Variants in HEATR5B observed in about 807,000 individuals in gnomAD.
HEATR5B encodes HEAT repeat containing 5B.
In HEATR5B, 156 loss-of-function variants were observed where a neutral mutation model predicts 224.1. The observed-to-expected ratio is 0.70, with a 90% CI of 0.61 to 0.80. HEATR5B has a LOEUF of 0.80. Among genes scored for constraint, HEATR5B ranks in the 30% least tolerant of loss-of-function variants. HEATR5B has a pLI of 0.00. For synonymous variants in HEATR5B, 1,027 were observed against 893.0 expected (o/e 1.15, Z -2.68); for missense variants, 2,323 against 2,535.5 (o/e 0.92, Z 1.80).
In HEATR5B at chr2:37,000,730, C is replaced by A; in HGVS notation, c.5401G>T (p.Val1801Phe). The A allele has an allele frequency of 3.1e-6, 5 of 1,614,086 alleles. No individual in the cohort carries two copies. The highest frequency in any genetic ancestry group is 4.2e-6 in the Non-Finnish European group (5 of 1,179,968). The change falls in exon 33 of 36, where the codon GTT becomes TTT. Residue 1801 changes from valine (V) to phenylalanine (F), a missense_variant. Physicochemically the swap from Val to Phe is conservative, Grantham distance 50. Coordinates refer to ENST00000233099, the MANE Select transcript of HEATR5B (RefSeq NM_019024.3). Reference sequence around the variant, plus strand: ...AGAGCTGCACTGACTGGTGGAGGAACCTGATTATCTGCAGACTTTATTGCT... The same window carrying A: ...AGAGCTGCACTGACTGGTGGAGGAAACTGATTATCTGCAGACTTTATTGCT... ...DTAIKSADNQ[V>F]PPPVSAALQG...
At chr2:37,067,483 T>C (rs1457917071) in intron 8 of HEATR5B, among the ~76,000 whole-genome samples, 1 of 152,162 alleles carries the variant, frequency 6.6e-6, no homozygotes, top group Non-Finnish European at 1.5e-5. Flanking sequence ...AAAACTAGTT[T>C]ACTGGCTGGG....
In HEATR5B at chr2:37,015,842, C is replaced by A. The variant is rs1299529098; in HGVS notation, c.4105-1822G>T. The stretch of plus-strand genomic sequence containing the variant: ...TTACATAACCCTAGGAATTCCCACA[C>A]AAAGGTGATAACTAAAGTATTGTTA... On this transcript the variant is annotated intron_variant, in intron 26 of 35. Transcript: ENST00000233099. Among the ~76,000 whole-genome samples the A allele has an allele frequency of 5.3e-5, 8 of 152,056 alleles. No homozygotes were observed. In the East Asian group the frequency reaches 1.5e-3, roughly 29 times the overall value.
rs1238133380 is a variant in HEATR5B at position 37,028,825 on chromosome 2, G to A, written c.3457C>T (p.Leu1153Phe). The change falls in exon 23 of 36, where the codon CTT (leucine) becomes TTT (phenylalanine). Residue 1153 changes from leucine (L) to phenylalanine (F), a missense_variant. By Grantham distance (22) the Leu-to-Phe change is conservative (BLOSUM62 0). Around this residue, in one of 12 missense-constraint regions of HEATR5B, gnomAD observed 339 missense variants for 378.4 expected, o/e 0.90. Coordinates refer to ENST00000233099, the MANE Select transcript of HEATR5B (RefSeq NM_019024.3). Reference protein sequence around the residue: ...NITETGLEGLLFGMLDRETDR... With the variant: ...NITETGLEGLFFGMLDRETDR... ...GTCTCCCGGTCTAGCATTCCAAAAAGAAGTCCCTCAAGACCAGTTTCTGTT... is the reference window on the plus strand; with the variant it reads ...GTCTCCCGGTCTAGCATTCCAAAAAAAAGTCCCTCAAGACCAGTTTCTGTT... The A allele has an allele frequency of 1.2e-6, 2 of 1,614,082 alleles. No individual in the cohort carries two copies. The highest frequency in any genetic ancestry group is 1.7e-6 in the Non-Finnish European group (2 of 1,179,974).
chr2:37,003,186 T>C (rs1667199057), intron 31 of HEATR5B, among the ~76,000 whole-genome samples: 1 of 149,074 alleles, frequency 6.7e-6, no homozygotes, highest in South Asian at 2.1e-4. Flanking sequence ...TCCTGGGAGT[T>C]TGAGGCTGCA....
rs116404525 is a variant in HEATR5B at position 37,023,214 on chromosome 2, G to C, written c.3854-2378C>G. Among the ~76,000 whole-genome samples the C allele has an allele frequency of 6.9e-3, 1,044 of 152,204 alleles. 11 individuals carry two copies. The highest frequency in any genetic ancestry group is 0.024 in the African/African-American group (1,003 of 41,544). ...AAATTAATAGAGATTAAATACTAAAGATCAGTGAACTGAAAAGACTTAGCA... is the reference window on the plus strand; with the variant it reads ...AAATTAATAGAGATTAAATACTAAACATCAGTGAACTGAAAAGACTTAGCA... On this transcript the variant is annotated intron_variant, in intron 24 of 35. Transcript: ENST00000233099.
intron 34 of HEATR5B, among the ~76,000 whole-genome samples, 173 bp from the exon 35 acceptor site, chr2:36,989,032 C>A (rs751234684): frequency 6.6e-5 from 10 of 152,154 alleles, no homozygotes; most frequent in Non-Finnish European, 1.2e-4. Context: ...AAAAATTAGT[C>A]AAAAATGTTC....
intron 17 of HEATR5B, among the ~76,000 whole-genome samples, chr2:37,050,632 G>A (rs1290597696): frequency 6.6e-6 from 1 of 152,202 alleles, no homozygotes; most frequent in African/African-American, 2.4e-5. Context: ...TATTTGGAAA[G>A]AGGATATTTG....
Position 37,058,970 on chromosome 2 carries a change from C to G in HEATR5B, c.1867G>C (p.Ala623Pro), listed in dbSNP as rs1246086964. ...GALCAMRSFV[A>P]HCPELLTEDV... is the part of the protein sequence containing the mutation. ...TCAGTTAGTAGCTCAGGACAATGTGCAACGAAGCTCCTCATGGCTAGATAA... is the reference window on the plus strand; with the variant it reads ...TCAGTTAGTAGCTCAGGACAATGTGGAACGAAGCTCCTCATGGCTAGATAA... Residue 623 changes from alanine to proline, a missense_variant, in exon 13 of 36, where the codon GCA becomes CCA. Ala to Pro is a conservative substitution (Grantham distance 27). Transcript: ENST00000233099. The G allele has an allele frequency of 1.9e-6, 3 of 1,607,358 alleles. No individual in the cohort carries two copies. The highest frequency in any genetic ancestry group is 1.3e-5 in the African/African-American group (1 of 74,778).
rs565404794 is a variant in HEATR5B at position 37,077,853 on chromosome 2, T to C, written c.339-834A>G. On this transcript the variant is annotated intron_variant, in intron 3 of 35. Coordinates refer to ENST00000233099, the MANE Select transcript of HEATR5B (RefSeq NM_019024.3). ...CAGTGTCTACCTCTTAATTTACAAA[T>C]AATACTATACTATTAGTAAACCTGT... is the stretch of plus-strand genomic sequence containing the variant. Among the ~76,000 whole-genome samples, 12 of 152,322 alleles carry C rather than the reference T, an allele frequency of 7.9e-5. 1 individual carries two copies. The South Asian group carries it at 1.9e-3, about 24-fold the overall frequency.
At chr2:37,038,541 T>C (rs951076170) in intron 20 of HEATR5B, among the ~76,000 whole-genome samples, 8 of 152,176 alleles carry the variant, frequency 5.3e-5, no homozygotes, top group African/African-American at 1.7e-4. Flanking sequence ...CTTTTGAAAA[T>C]ACTTGATAAA....
intron 24 of HEATR5B, among the ~76,000 whole-genome samples, chr2:37,022,962 G>C (rs1281184491): frequency 6.6e-6 from 1 of 151,600 alleles, no homozygotes; most frequent in Non-Finnish European, 1.5e-5. Context: ...TCACAACAAA[G>C]AGAGAGAGAG....
Position 36,981,743 on chromosome 2 carries a change from T to A in HEATR5B, c.5963A>T (p.Asp1988Val). The A allele has an allele frequency of 1.9e-6, 3 of 1,613,978 alleles. No homozygotes were observed. Among genetic ancestry groups the A allele is most frequent in the Non-Finnish European group, 2.5e-6 (3 of 1,179,982 alleles). The change falls in exon 36 of 36, where the codon GAT becomes GTT. Residue 1988 changes from aspartate to valine, a missense_variant. Asp to Val is a radical substitution (Grantham distance 152). This residue lies in a region of HEATR5B where 844 missense variants were observed against 812.9 expected (regional missense o/e 1.04). Transcript: ENST00000233099. Reference sequence around the variant, plus strand: ...ACTTGCTGAGGCAAAAGAATTTTCATCCAGCAGGTAAGATATCAAAGTGGG... The same window carrying A: ...ACTTGCTGAGGCAAAAGAATTTTCAACCAGCAGGTAAGATATCAAAGTGGG... ...LVPTLISYLL[D>V]ENSFASASSA...
intron 23 of HEATR5B, 62 bp from the exon 24 acceptor site, chr2:37,028,236 GTTA>G: frequency 9.7e-7 from 1 of 1,034,932 alleles, no homozygotes; most frequent in Non-Finnish European, 1.3e-6. Flanking sequence ...CCTTTAAAAA[GTTA>G]TTAATATTAA....
chr2:37,037,912 C>A lies in HEATR5B; in HGVS notation c.3159G>T (p.Gln1053His). 6.2e-7 allele frequency: 1 copy of A among 1,600,520 alleles called. No homozygotes were observed. ...CATGTCGTGGTGCAAACATGTGAAG[C>A]TGCTGAAGGCAAGATATGGCAGCTG... ...VQAAAISCLQ[Q>H]LHMFAPRHVN... is the part of the protein sequence containing the mutation. Residue 1053 changes from glutamine to histidine, a missense_variant, in exon 21 of 36, where the codon CAG (glutamine) becomes CAT (histidine). By Grantham distance (24) the Gln-to-His change is conservative. Around this residue, in one of 12 missense-constraint regions of HEATR5B, gnomAD observed 88 missense variants for 86.8 expected, o/e 1.01. Coordinates refer to ENST00000233099, the MANE Select transcript of HEATR5B (RefSeq NM_019024.3).
rs752467214 is a variant in HEATR5B, at chr2:37,076,934, A to G, written c.424T>C (p.Leu142=). The G allele has an allele frequency of 9.9e-6, 16 of 1,613,480 alleles. No individual in the cohort carries two copies. In the South Asian group the frequency reaches 1.1e-4, roughly 11 times the overall value. ...ACCTCTGCACTTTTCAGAGATTTCA[A>G]TAGATTATTTACCGTTTCTGGAAAT... ...SAFPETVNNL[L]KSLKSAESQG... The change falls in exon 4 of 36, where the codon TTG becomes CTG. Residue 142 remains leucine (L), a synonymous_variant. Transcript: ENST00000233099.
chr2:37,019,278 C>T (rs1369512815), intron 26 of HEATR5B, among the ~76,000 whole-genome samples: 1 of 151,980 alleles, frequency 6.6e-6, no homozygotes, highest in Non-Finnish European at 1.5e-5. Flanking sequence ...TTGTGAAATT[C>T]TCCTTAGTAT....
chr2:37,023,891 A>G (rs1195820224), intron 24 of HEATR5B, among the ~76,000 whole-genome samples: 1 of 152,154 alleles, frequency 6.6e-6, no homozygotes, highest in African/African-American at 2.4e-5. Flanking sequence ...TTCCTCACCT[A>G]TAGGAAGCAA....
intron 34 of HEATR5B, 119 bp from the exon 35 acceptor site, chr2:36,988,978 A>C: frequency 1.4e-6 from 1 of 690,978 alleles, no homozygotes; most frequent in Non-Finnish European, 2.4e-6. Context: ...AATGGAAATT[A>C]CATTTTCTAC....
rs544184539 is a variant in HEATR5B at position 37,010,491 on chromosome 2, G to C, written c.4285-1643C>G. ...CATATCTTCTAGTGAGTACATGCTT[G>C]TTTCCCCCCTAAATTTGTTATTACA... On this transcript the variant is annotated intron_variant, in intron 27 of 35. Coordinates refer to ENST00000233099, the MANE Select transcript of HEATR5B (RefSeq NM_019024.3). Among the ~76,000 whole-genome samples, 4 of 149,612 alleles carry C rather than the reference G, an allele frequency of 2.7e-5. No individual in the cohort carries two copies. In the South Asian group the frequency reaches 8.6e-4, roughly 32 times the overall value.
Sources: gnomAD v4.1 joint callset for allele counts (sites outside exome capture counted in the v4.1 genomes callset) on GRCh38, gnomAD v4.1.1 for gene constraint, gnomAD v4.1.1 regional missense constraint, MANE v1.5 for transcripts, NCBI Gene and HGNC (gene_info 2026-07-23, HGNC 2026-07-21) for gene names.